SART3: variants seen among roughly 807,000 people sequenced by gnomAD.
SART3 encodes spliceosome associated factor 3, U4/U6 recycling protein.
A neutral mutation model predicts 122.3 loss-of-function variants in SART3; 44 were observed. The observed-to-expected ratio is 0.36, with a 90% CI of 0.28 to 0.46. The LOEUF (loss-of-function observed/expected upper bound fraction) is 0.46. Among genes scored for constraint, SART3 ranks in the 20% least tolerant of loss-of-function variants. SART3 has a pLI of 1.00. For missense variants in SART3, 1,101 were observed against 1,229.0 expected (o/e 0.90, Z 1.56); for synonymous variants, 442 against 454.0 (o/e 0.97, Z 0.34).
chr12:108,543,017 C>T lies in SART3; in HGVS notation c.906+11G>A. The T allele has an allele frequency of 6.2e-7, 1 of 1,614,146 alleles. No individual in the cohort carries two copies. The highest frequency in any genetic ancestry group is 8.5e-7 in the Non-Finnish European group (1 of 1,179,998). ...AGAGAGACGTTTACTATAAAAGAAG[C>T]CAACACTTACCAGTGCTTCTTCATA... On this transcript the variant is annotated intron_variant, in intron 6 of 18. Transcript: ENST00000546815.
At chr12:108,544,885 C>CA in intron 4 of SART3, 1 of 585,502 alleles carries the variant, frequency 1.7e-6, no homozygotes, top group South Asian at 2.0e-5. Flanking sequence ...CTTTCTACTT[C>CA]AAAAAATATC....
chr12:108,556,347 C>G lies in SART3; in HGVS notation c.312+4496G>C, dbSNP rs559412436. On this transcript the variant is annotated intron_variant, in intron 1 of 18. Coordinates refer to ENST00000546815, the MANE Select transcript of SART3 (RefSeq NM_014706.4). ...TCCTGGGCTCAAGGGATCATCCTGC[C>G]TCAGCCTCCCAAAATGCTAGGACTA... 1.3e-5 allele frequency among the ~76,000 whole-genome samples: 2 copies of G among 152,332 alleles called. 1 individual carries two copies. Among genetic ancestry groups the G allele is most frequent in the African/African-American group, 4.8e-5 (2 of 41,576 alleles).
rs1040211395 is a variant in SART3 at position 108,530,004 on chromosome 12, G to A, written c.1915+138C>T. The A allele has an allele frequency of 4.9e-6, 5 of 1,022,418 alleles. No homozygotes were observed. In the African/African-American group the frequency reaches 6.3e-5, roughly 13 times the overall value. The allele number at this position is 1,022,418 out of a possible 1,614,324, so 63.3% of individuals were successfully genotyped here. On this transcript the variant is annotated intron_variant, in intron 15 of 18. Coordinates refer to ENST00000546815, the MANE Select transcript of SART3 (RefSeq NM_014706.4). Reference sequence around the variant, plus strand: ...GTAGAAGAGGGCCCCTTGTTTGCAAGACATACACCCTAACAGTGATCAAAG... The same window carrying A: ...GTAGAAGAGGGCCCCTTGTTTGCAAAACATACACCCTAACAGTGATCAAAG...
At chr12:108,526,687 A>C (rs1872401890) in intron 15 of SART3, 134 bp from the exon 16 acceptor site, 1 of 936,352 alleles carries the variant, frequency 1.1e-6, no homozygotes, top group African/African-American at 1.6e-5. Context: ...CGGAGGGGCA[A>C]GCACCACCCC....
chr12:108,558,889 C>T (rs1406599515), intron 1 of SART3, among the ~76,000 whole-genome samples: 3 of 151,820 alleles, frequency 2.0e-5, no homozygotes, highest in East Asian at 1.9e-4. Flanking sequence ...AAAAATTAGC[C>T]GGACTTGGTG....
intron 3 of SART3, 121 bp from the exon 4 acceptor site, chr12:108,545,444 G>T: frequency 1.1e-6 from 1 of 871,730 alleles, no homozygotes; most frequent in Non-Finnish European, 1.9e-6. Flanking sequence ...AAATGACAGT[G>T]AAGGCCTAAC....
intron 1 of SART3, among the ~76,000 whole-genome samples, chr12:108,551,238 A>T (rs1219114882): frequency 1.3e-5 from 2 of 152,226 alleles, no homozygotes; most frequent in African/African-American, 4.8e-5. Context: ...TACTAGAGAT[A>T]AAAAGGATTA....
chr12:108,545,984 A>C (rs928930363), intron 3 of SART3, among the ~76,000 whole-genome samples: 8 of 149,218 alleles, frequency 5.4e-5, no homozygotes, highest in African/African-American at 2.0e-4. Context: ...AAAAAAAAAA[A>C]CACACATATA....
chr12:108,527,370 G>C (rs986871393), intron 15 of SART3, among the ~76,000 whole-genome samples: 1 of 152,200 alleles, frequency 6.6e-6, no homozygotes, highest in African/African-American at 2.4e-5. Context: ...GCTCCTCCCT[G>C]TGTAGCTCAG....
At chr12:108,550,840 T>A (rs1482130343) in intron 1 of SART3, among the ~76,000 whole-genome samples, 7 of 151,716 alleles carry the variant, frequency 4.6e-5, no homozygotes. Flanking sequence ...AAAACAAGGC[T>A]CCATCTCAAA....
intron 12 of SART3, among the ~76,000 whole-genome samples, 200 bp downstream of exon 12, chr12:108,535,159 A>G (rs1003963429): frequency 2.0e-5 from 3 of 152,236 alleles, no homozygotes; most frequent in Non-Finnish European, 4.4e-5. Context: ...ATGCATGGCT[A>G]TAAGAGTTCC....
chr12:108,558,238 C>T (rs2030316537), intron 1 of SART3, among the ~76,000 whole-genome samples: 1 of 152,152 alleles, frequency 6.6e-6, no homozygotes, highest in African/African-American at 2.4e-5. Flanking sequence ...TTCTCACAGA[C>T]CTATTTGGAA....
intron 1 of SART3, 146 bp from the exon 2 acceptor site, chr12:108,549,360 T>C (rs1228180435): frequency 5.2e-6 from 4 of 762,494 alleles, no homozygotes; most frequent in Non-Finnish European, 8.8e-6. Context: ...ACCCAGCACG[T>C]ACCCACAGGT....
At chr12:108,530,466 G>C (rs911665978) in intron 14 of SART3, among the ~76,000 whole-genome samples, 156 bp from the exon 15 acceptor site, 1 of 152,226 alleles carries the variant, frequency 6.6e-6, no homozygotes, top group East Asian at 1.9e-4. Flanking sequence ...TCCACACCAG[G>C]GCTCATTCAG....
chr12:108,534,933 T>C (rs895744651), intron 12 of SART3, among the ~76,000 whole-genome samples: 1 of 152,234 alleles, frequency 6.6e-6, no homozygotes, highest in Non-Finnish European at 1.5e-5. Context: ...AACACATGCA[T>C]GCTATAATTG....
At chr12:108,547,861 T>C (rs1873501065) in intron 3 of SART3, 26 bp downstream of exon 3, 3 of 1,552,052 alleles carry the variant, frequency 1.9e-6, no homozygotes, top group Non-Finnish European at 2.7e-6. Context: ...TTGCCAGATA[T>C]CCAAAAAAAG....
chr12:108,547,111 C>T (rs1873461218), intron 3 of SART3, among the ~76,000 whole-genome samples: 1 of 152,218 alleles, frequency 6.6e-6, no homozygotes, highest in African/African-American at 2.4e-5. Context: ...TGAGCCACCA[C>T]ACCCAGCCTT....
At chr12:108,552,443 G>A (rs1345509227) in intron 1 of SART3, among the ~76,000 whole-genome samples, 1 of 145,206 alleles carries the variant, frequency 6.9e-6, no homozygotes, top group Non-Finnish European at 1.5e-5. Flanking sequence ...TAGATGATAT[G>A]GCTAAGTAGA....
intron 1 of SART3, among the ~76,000 whole-genome samples, chr12:108,553,184 T>C (rs2030078485): frequency 6.6e-6 from 1 of 152,136 alleles, no homozygotes; most frequent in African/African-American, 2.4e-5. Flanking sequence ...TAACTCAAAA[T>C]GGATCACACT....
Sources: allele counts gnomAD v4.1 joint callset (sites outside exome capture counted in the v4.1 genomes callset), GRCh38; gene constraint gnomAD v4.1.1; transcripts MANE v1.5; gene names NCBI Gene and HGNC (gene_info 2026-07-23, HGNC 2026-07-21).